The following EDIL3 variants were observed in gnomAD, a reference collection of about 807,000 sequenced individuals.
The protein encoded by EDIL3 is EGF-like repeat and discoidin I-like domain-containing protein 3.
Under a neutral mutation model 67.4 loss-of-function variants are expected in EDIL3, and 37 were observed. The observed-to-expected ratio is 0.55, with a 90% confidence interval of 0.42 to 0.72. The LOEUF is 0.72. Among genes scored for constraint, EDIL3 ranks in the 30% least tolerant of loss-of-function variants. EDIL3 has a pLI of 0.00. For synonymous variants in EDIL3, 195 were observed against 196.3 expected (o/e 0.99, Z 0.05); for missense variants, 527 against 586.3 (o/e 0.90, Z 1.04).
chr5:84,171,265 G>A (rs1448436949), intron 4 of EDIL3, among the ~76,000 whole-genome samples: 2 of 152,078 alleles, frequency 1.3e-5, no homozygotes, highest in African/African-American at 4.8e-5. Flanking sequence ...TTAATCTAAA[G>A]TAGCAATTTT....
chr5:84,094,356 G>A (rs1458294808), intron 6 of EDIL3, among the ~76,000 whole-genome samples: 14 of 152,168 alleles, frequency 9.2e-5, no homozygotes, highest in African/African-American at 3.4e-4. Context: ...TTAAAGAGGT[G>A]TATGGTAAGA....
At chr5:84,046,937 T>C (rs1320555160) in intron 9 of EDIL3, among the ~76,000 whole-genome samples, 1 of 152,216 alleles carries the variant, frequency 6.6e-6, no homozygotes, top group Non-Finnish European at 1.5e-5. Context: ...CTTCTGTTTC[T>C]TGCTTTTGGA....
At chr5:84,026,508 C>A (rs1420643976) in intron 9 of EDIL3, among the ~76,000 whole-genome samples, 1 of 151,734 alleles carries the variant, frequency 6.6e-6, no homozygotes, top group African/African-American at 2.4e-5. Flanking sequence ...TAACCTTCTG[C>A]CTCTGCATTT....
intron 3 of EDIL3, among the ~76,000 whole-genome samples, chr5:84,182,837 A>G (rs1749039477): frequency 6.6e-6 from 1 of 152,016 alleles, no homozygotes; most frequent in African/African-American, 2.4e-5. Flanking sequence ...CACCACACCA[A>G]TTAAAAACAA....
chr5:84,096,313 A>G (rs1035873909), intron 6 of EDIL3, among the ~76,000 whole-genome samples: 2 of 152,206 alleles, frequency 1.3e-5, no homozygotes, highest in Non-Finnish European at 2.9e-5. Flanking sequence ...GAAAGCAGCC[A>G]GGAGGGAGGC....
intron 10 of EDIL3, among the ~76,000 whole-genome samples, chr5:83,959,287 T>TA (rs1413777887): frequency 6.7e-6 from 1 of 149,716 alleles, no homozygotes; most frequent in Admixed American, 6.7e-5. Context: ...CTCTGATTAA[T>TA]AAAAAACAAA....
intron 9 of EDIL3, among the ~76,000 whole-genome samples, chr5:84,052,531 A>C (rs1746360100): frequency 6.6e-6 from 1 of 152,192 alleles, no homozygotes; most frequent in African/African-American, 2.4e-5. Flanking sequence ...ATAAAGAGTC[A>C]AGACCCATCA....
chr5:84,269,834 G>C (rs997086547), intron 1 of EDIL3, among the ~76,000 whole-genome samples: 1 of 152,102 alleles, frequency 6.6e-6, no homozygotes, highest in African/African-American at 2.4e-5. Flanking sequence ...CAAACTACCT[G>C]GCCTGCCATC....
At chr5:84,109,055 T>C (rs1310333713) in intron 5 of EDIL3, among the ~76,000 whole-genome samples, 1 of 152,186 alleles carries the variant, frequency 6.6e-6, no homozygotes, top group Non-Finnish European at 1.5e-5. Context: ...CTTTAGTAGC[T>C]AACATATCAG....
At chr5:84,234,271 C>T (rs1744637985) in intron 2 of EDIL3, among the ~76,000 whole-genome samples, 1 of 152,132 alleles carries the variant, frequency 6.6e-6, no homozygotes, top group Non-Finnish European at 1.5e-5. Flanking sequence ...TTAAGTTAGT[C>T]GCTCTTTTGC....
intron 3 of EDIL3, among the ~76,000 whole-genome samples, chr5:84,217,847 T>C (rs1744264261): frequency 6.6e-6 from 1 of 152,152 alleles, no homozygotes; most frequent in Non-Finnish European, 1.5e-5. Context: ...TTTCCATTTA[T>C]ATAATTTTAT....
chr5:84,025,762 T>C (rs1745799399), intron 9 of EDIL3, among the ~76,000 whole-genome samples: 1 of 152,156 alleles, frequency 6.6e-6, no homozygotes, highest in Non-Finnish European at 1.5e-5. Context: ...TAGGCAAATA[T>C]TTGGCATCAT....
chr5:84,035,814 G>A (rs1746013005), intron 9 of EDIL3, among the ~76,000 whole-genome samples: 1 of 151,986 alleles, frequency 6.6e-6, no homozygotes, highest in Non-Finnish European at 1.5e-5. Flanking sequence ...ATATCTTTCT[G>A]AATTCTCAGA....
Position 84,344,046 on chromosome 5 carries a change from A to C in EDIL3, c.67+40262T>G, listed in dbSNP as rs376918633. Among the ~76,000 whole-genome samples, 13 of 152,240 alleles carry C rather than the reference A, an allele frequency of 8.5e-5. No individual in the cohort carries two copies. In the East Asian group the frequency reaches 9.7e-4, roughly 11 times the overall value. On this transcript the variant is annotated intron_variant, in intron 1 of 10. Transcript: ENST00000296591. Reference sequence around the variant, plus strand: ...AATAGAAGAATTCTACTTTTAAAAAATGTTGCCTACCTATCTCTGAAAACA... The same window carrying C: ...AATAGAAGAATTCTACTTTTAAAAACTGTTGCCTACCTATCTCTGAAAACA...
intron 5 of EDIL3, among the ~76,000 whole-genome samples, chr5:84,127,042 C>G (rs1353727740): frequency 6.6e-6 from 1 of 151,976 alleles, no homozygotes; most frequent in African/African-American, 2.4e-5. Flanking sequence ...AAATATAAAG[C>G]AAATTTTCTT....
At chr5:83,996,973 C>T (rs1745247683) in intron 9 of EDIL3, among the ~76,000 whole-genome samples, 1 of 152,076 alleles carries the variant, frequency 6.6e-6, no homozygotes, top group Admixed American at 6.6e-5. Flanking sequence ...TGGTACATAG[C>T]CAAGTGAACA....
chr5:84,183,196 T>A (rs1749045514), intron 3 of EDIL3, among the ~76,000 whole-genome samples: 1 of 151,972 alleles, frequency 6.6e-6, no homozygotes, highest in African/African-American at 2.4e-5. Context: ...CTTTTACAGT[T>A]TTTTTTTAAA....
rs935773209 is a variant in EDIL3 at position 84,133,563 on chromosome 5, G to A, written c.469+3678C>T. Among the ~76,000 whole-genome samples, 14 of 151,714 alleles carry A rather than the reference G, an allele frequency of 9.2e-5. No homozygotes were observed. In the East Asian group the frequency reaches 2.1e-3, roughly 23 times the overall value. On this transcript the variant is annotated intron_variant, in intron 5 of 10. Transcript: ENST00000296591. ...AGGCAGGAGAATCACTTGAACCCAG[G>A]AGGCAGTGAGCCGAGATTGTGCCAC...
intron 4 of EDIL3, among the ~76,000 whole-genome samples, chr5:84,148,925 C>A: frequency 7.2e-6 from 1 of 138,056 alleles, no homozygotes; most frequent in Non-Finnish European, 1.5e-5. Flanking sequence ...TAAAAGGGAC[C>A]AGAATTTTCA....
Sources: allele counts gnomAD v4.1 joint callset (sites outside exome capture counted in the v4.1 genomes callset), GRCh38; gene constraint gnomAD v4.1.1; transcripts MANE v1.5; gene names NCBI Gene and HGNC (gene_info 2026-07-23, HGNC 2026-07-21).